ELOA: variants seen among roughly 807,000 people sequenced by gnomAD.
ELOA encodes elongin A.
In ELOA, 15 loss-of-function variants were observed where a neutral mutation model predicts 85.2. The observed-to-expected ratio is 0.18, with a 90% CI of 0.12 to 0.27. The LOEUF (loss-of-function observed/expected upper bound fraction) is 0.27. Ranked by LOEUF, ELOA falls within the 10% of genes least tolerant of loss-of-function variation. ELOA has a pLI of 1.00. For missense variants in ELOA, 769 were observed against 952.7 expected (o/e 0.81, Z 2.54); for synonymous variants, 348 against 357.2 (o/e 0.97, Z 0.29).
intron 1 of ELOA, among the ~76,000 whole-genome samples, chr1:23,745,512 ATT>A (rs780220676): frequency 1.1e-4 from 16 of 142,954 alleles, no homozygotes; most frequent in African/African-American, 3.3e-4. Context: ...ACTATTAATG[ATT>A]TTTTTTTTTT....
Position 23,761,783 on chromosome 1 carries a change from A to G in ELOA, c.*2210A>G, listed in dbSNP as rs1378775849. 2 of 151,968 alleles carry G rather than the reference A, an allele frequency of 1.3e-5. No individual in the cohort carries two copies. The highest frequency in any genetic ancestry group is 1.5e-5 in the Non-Finnish European group (1 of 67,998). 9.4% of individuals were successfully genotyped at this position (151,968 alleles called of 1,614,324 possible). A position where few individuals can be genotyped will look rare whatever the true frequency, so the allele number is the denominator to read the frequency against. On this transcript the variant is annotated 3_prime_UTR_variant, in exon 11 of 11. Coordinates refer to ENST00000613537, the MANE Select transcript of ELOA (RefSeq NM_003198.3). ...TCTCATTTATGGAAAAACTTGTGCAATTTTTTTTCTGTGCTACACTACATA... is the reference window on the plus strand; with the variant it reads ...TCTCATTTATGGAAAAACTTGTGCAGTTTTTTTTCTGTGCTACACTACATA...
Position 23,759,688 on chromosome 1 carries a change from C to A in ELOA, c.*115C>A. 8.0e-7 allele frequency: 1 copy of A among 1,253,590 alleles called. No individual in the cohort carries two copies. Among genetic ancestry groups the A allele is most frequent in the Admixed American group, 1.8e-5 (1 of 54,314 alleles). 77.7% of individuals were successfully genotyped at this position (1,253,590 alleles called of 1,614,324 possible). On this transcript the variant is annotated 3_prime_UTR_variant, in exon 11 of 11. Transcript: ENST00000613537. ...GTCTTGCTTTGTGGATCCTTTTGGTCTCCGAGTCCTGCAGTCTGCAGGTGC... is the reference window on the plus strand; with the variant it reads ...GTCTTGCTTTGTGGATCCTTTTGGTATCCGAGTCCTGCAGTCTGCAGGTGC...
intron 10 of ELOA, among the ~76,000 whole-genome samples, chr1:23,758,266 T>TTTTTTTTTTTTTTTTTTA: frequency 1.2e-5 from 1 of 82,504 alleles, no homozygotes; most frequent in African/African-American, 5.7e-5. Flanking sequence ...TTTATTTTTT[T>TTTTTTTTTTTTTTTTTTA]TTTTTTTTTT....
At chr1:23,745,999 T>C (rs1219134264) in intron 1 of ELOA, among the ~76,000 whole-genome samples, 1 of 152,210 alleles carries the variant, frequency 6.6e-6, no homozygotes, top group Non-Finnish European at 1.5e-5. Flanking sequence ...AAAAATTACC[T>C]GTCCTTAGGC....
chr1:23,761,365 A>G lies in ELOA; in HGVS notation c.*1792A>G, dbSNP rs368132739. 1 of 152,194 alleles carries G rather than the reference A, an allele frequency of 6.6e-6. No homozygotes were observed. Among genetic ancestry groups the G allele is most frequent in the East Asian group, 1.9e-4 (1 of 5,206 alleles). The allele number at this position is 152,194 out of a possible 1,614,324, so 9.4% of individuals were successfully genotyped here. A position where few individuals can be genotyped will look rare whatever the true frequency, so the allele number is the denominator to read the frequency against. ...TCTGCTGCCTAGAATAGCTTTTTCTAGGTGTCTACCACCTTGAATTTATCT... is the reference window on the plus strand; with the variant it reads ...TCTGCTGCCTAGAATAGCTTTTTCTGGGTGTCTACCACCTTGAATTTATCT... On this transcript the variant is annotated 3_prime_UTR_variant, in exon 11 of 11. Transcript: ENST00000613537.
chr1:23,749,438 C>T (rs1218082531), intron 2 of ELOA, among the ~76,000 whole-genome samples: 1 of 152,100 alleles, frequency 6.6e-6, no homozygotes, highest in Non-Finnish European at 1.5e-5. Context: ...GACTTTATTT[C>T]AAAATTAGAA....
rs761845669 is a variant in ELOA at position 23,751,506 on chromosome 1, GAGA to G, written c.904_906del (p.Lys302del). ...ACCGCCCTCTAGTGGCGTAAAGAAA[GAGA>G]AGGACAGAGAGGGCAGCAGCCTGAA... On this transcript the variant is annotated inframe_deletion, in exon 4 of 11. Transcript: ENST00000613537. The G allele has an allele frequency of 5.6e-6, 9 of 1,614,120 alleles. No individual in the cohort carries two copies. In the Admixed American group the frequency reaches 8.3e-5, roughly 15 times the overall value.
intron 1 of ELOA, among the ~76,000 whole-genome samples, chr1:23,744,535 C>T (rs1644738459): frequency 6.6e-6 from 1 of 151,310 alleles, no homozygotes; most frequent in Admixed American, 6.6e-5. Flanking sequence ...CTCACTGCAA[C>T]CTCCGTCTCC....
chr1:23,754,595 C>T (rs1644786527), intron 7 of ELOA, 135 bp downstream of exon 7: 4 of 707,410 alleles, frequency 5.7e-6, no homozygotes, highest in South Asian at 1.8e-5. Flanking sequence ...ATTTGGTTTG[C>T]CACTGGGCCT....
rs370644824 is a variant in ELOA, at chr1:23,756,389, A to C, written c.2084+4A>C. On this transcript the variant is annotated splice_donor_region_variant and intron_variant, in intron 9 of 10. Coordinates refer to ENST00000613537, the MANE Select transcript of ELOA (RefSeq NM_003198.3). ...CAGCTGTCCCTGAGAAAATCAAGTA[A>C]GATCTGTGTTCTTACCTGGCTTTTG... 2.5e-5 allele frequency: 39 copies of C among 1,564,244 alleles called. No individual in the cohort carries two copies. The highest frequency in any genetic ancestry group is 3.4e-5 in the Non-Finnish European group (39 of 1,153,546).
chr1:23,755,368 G>A (rs182602027), intron 7 of ELOA, among the ~76,000 whole-genome samples: 137 of 152,206 alleles, frequency 9.0e-4, no homozygotes, highest in Admixed American at 1.2e-3. Context: ...CTCACACTTC[G>A]CATTTTTAAA....
In ELOA at chr1:23,759,277, C is replaced by T. The variant is rs180910997; in HGVS notation, c.2258-235C>T. ...GGGCAAGTTGGCCAGGCTCTCTGAGCCTTGGTGCAGGTGGTTAGAGAGAGT... is the reference window on the plus strand; with the variant it reads ...GGGCAAGTTGGCCAGGCTCTCTGAGTCTTGGTGCAGGTGGTTAGAGAGAGT... On this transcript the variant is annotated intron_variant, in intron 10 of 10. Coordinates refer to ENST00000613537, the MANE Select transcript of ELOA (RefSeq NM_003198.3). Among the ~76,000 whole-genome samples, 441 of 152,338 alleles carry T rather than the reference C, an allele frequency of 2.9e-3. 4 individuals carry two copies. The highest frequency in any genetic ancestry group is 5.1e-3 in the Non-Finnish European group (350 of 68,026).
Position 23,760,314 on chromosome 1 carries a change from T to C in ELOA, c.*741T>C, listed in dbSNP as rs1638275715. On this transcript the variant is annotated 3_prime_UTR_variant, in exon 11 of 11. Coordinates refer to ENST00000613537, the MANE Select transcript of ELOA (RefSeq NM_003198.3). ...AGTCCCCACCTTTTTGTTTTTTTTTTTTTCTTTGAGGCTCACTAGAGGACG... is the reference window on the plus strand; with the variant it reads ...AGTCCCCACCTTTTTGTTTTTTTTTCTTTCTTTGAGGCTCACTAGAGGACG... 6.6e-6 allele frequency: 1 copy of C among 152,040 alleles called. No homozygotes were observed. The highest frequency in any genetic ancestry group is 2.1e-4 in the South Asian group (1 of 4,818). 9.4% of individuals were successfully genotyped at this position (152,040 alleles called of 1,614,324 possible). A position where few individuals can be genotyped will look rare whatever the true frequency, so the allele number is the denominator to read the frequency against.
chr1:23,756,188 A>G, intron 8 of ELOA, 86 bp from the exon 9 acceptor site: 1 of 1,438,474 alleles, frequency 7.0e-7, no homozygotes, highest in Non-Finnish European at 9.3e-7. Context: ...GTGGGGTTTC[A>G]GGGCACTCAA....
intron 1 of ELOA, chr1:23,744,161 C>T (rs1477435090): frequency 1.3e-5 from 2 of 152,230 alleles, no homozygotes; most frequent in African/African-American, 4.8e-5. Flanking sequence ...CAGAATAAAG[C>T]CTCGCGTCAC....
At position 23,755,944 on chromosome 1, in the gene ELOA, G is replaced by A. The variant is rs777065180; in HGVS notation, c.1893G>A (p.Leu631=). Residue 631 remains leucine (L), a synonymous_variant, in exon 8 of 11, where the codon CTG becomes CTA. Coordinates refer to ENST00000613537, the MANE Select transcript of ELOA (RefSeq NM_003198.3). ...EEYESWREMY[L]RLQDAREQRL... ...ATGAGTCGTGGCGAGAGATGTACCT[G>A]CGGCTTCAGGACGCCCGAGAGCAGC... 1.9e-6 allele frequency: 3 copies of A among 1,613,860 alleles called. No homozygotes were observed. Among genetic ancestry groups the A allele is most frequent in the Non-Finnish European group, 2.5e-6 (3 of 1,180,010 alleles).
intron 10 of ELOA, among the ~76,000 whole-genome samples, chr1:23,758,270 T>TTTTTTA (rs1638237144): frequency 1.0e-5 from 1 of 97,012 alleles, no homozygotes; most frequent in East Asian, 3.2e-4. Flanking sequence ...TTTTTTTTTT[T>TTTTTTA]TTTTTTTTTT....
chr1:23,753,428 C>T (rs1644781406), intron 5 of ELOA, among the ~76,000 whole-genome samples: 1 of 152,148 alleles, frequency 6.6e-6, no homozygotes, highest in Non-Finnish European at 1.5e-5. Flanking sequence ...TAAATTGCTG[C>T]TGCTGTTATT....
intron 1 of ELOA, among the ~76,000 whole-genome samples, chr1:23,748,449 T>C (rs780433262): frequency 6.6e-6 from 1 of 152,214 alleles, no homozygotes; most frequent in Non-Finnish European, 1.5e-5. Context: ...TTTTCTAATC[T>C]ACCCAGGCAT....
Sources: allele counts gnomAD v4.1 joint callset (sites outside exome capture counted in the v4.1 genomes callset), GRCh38; gene constraint gnomAD v4.1.1; transcripts MANE v1.5; gene names NCBI Gene and HGNC (gene_info 2026-07-23, HGNC 2026-07-21).